Variants in SLC9A4 observed in about 807,000 individuals in gnomAD.
SLC9A4 encodes solute carrier family 9 member A4, also known as sodium/hydrogen exchanger 4.
A neutral mutation model predicts 67.4 loss-of-function variants in SLC9A4; 63 were observed. The observed-to-expected ratio is 0.93, with a 90% CI of 0.76 to 1.15. The LOEUF is 1.15. SLC9A4 is among the 50% of genes most tolerant of loss of function. SLC9A4 has a pLI of 0.00. For synonymous variants in SLC9A4, 393 were observed against 367.2 expected (o/e 1.07, Z -0.80); for missense variants, 1,089 against 987.7 (o/e 1.10, Z -1.38).
intron 11 of SLC9A4, among the ~76,000 whole-genome samples, chr2:102,529,936 T>C (rs745699533): frequency 2.6e-5 from 4 of 152,166 alleles, no homozygotes; most frequent in African/African-American, 7.2e-5. Context: ...AAACCTCTTA[T>C]ATGACCTGAG....
chr2:102,502,241 GT>G (rs1684957298), intron 2 of SLC9A4, among the ~76,000 whole-genome samples: 1 of 152,130 alleles, frequency 6.6e-6, no homozygotes, highest in African/African-American at 2.4e-5. Context: ...CTAGATCATA[GT>G]TCTGGGCTAT....
intron 6 of SLC9A4, among the ~76,000 whole-genome samples, chr2:102,510,020 T>C (rs894917429): frequency 1.6e-4 from 23 of 145,680 alleles, no homozygotes; most frequent in Admixed American, 1.5e-3. Flanking sequence ...TTTTTTTTTT[T>C]ATAAAGGTAG....
chr2:102,510,266 C>CAGATAT lies in SLC9A4; in HGVS notation c.1488+1338_1488+1339insTAGATA, dbSNP rs1199533333. On this transcript the variant is annotated intron_variant, in intron 6 of 11. Coordinates refer to ENST00000295269, the MANE Select transcript of SLC9A4 (RefSeq NM_001011552.4). The stretch of plus-strand genomic sequence containing the variant: ...ACAGATACAGATACAGATACAGATA[C>CAGATAT]AGATACAGATATAGATATAGATATA... Among the ~76,000 whole-genome samples, 222 of 68,590 alleles carry CAGATAT rather than the reference C, an allele frequency of 3.2e-3. 1 individual carries two copies. The highest frequency in any genetic ancestry group is 8.9e-3 in the African/African-American group (182 of 20,560). 45.0% of individuals were successfully genotyped at this position (68,590 alleles called of 152,430 possible). A position where few individuals can be genotyped will look rare whatever the true frequency, so the allele number is the denominator to read the frequency against.
At chr2:102,485,259 A>G (rs897537884) in intron 2 of SLC9A4, among the ~76,000 whole-genome samples, 3 of 152,200 alleles carry the variant, frequency 2.0e-5, no homozygotes, top group Non-Finnish European at 2.9e-5. Flanking sequence ...TTCATTCACT[A>G]GAGTTTATTC....
chr2:102,494,813 ATAT>A (rs570004889), intron 2 of SLC9A4, among the ~76,000 whole-genome samples: 243 of 152,262 alleles, frequency 1.6e-3, no homozygotes, highest in Non-Finnish European at 2.7e-3. Flanking sequence ...TATCCACCTA[ATAT>A]TAGTGCAACA....
intron 2 of SLC9A4, among the ~76,000 whole-genome samples, chr2:102,483,821 T>TAG (rs1255754886): frequency 7.3e-6 from 1 of 137,162 alleles, no homozygotes; most frequent in Non-Finnish European, 1.5e-5. Flanking sequence ...TATATATATA[T>TAG]ATATATATAT....
chr2:102,518,936 G>T (rs1187949134), intron 8 of SLC9A4, among the ~76,000 whole-genome samples: 4 of 152,130 alleles, frequency 2.6e-5, no homozygotes, highest in Non-Finnish European at 5.9e-5. Flanking sequence ...TAAAAAGGGA[G>T]TTAATTATTT....
At chr2:102,492,338 A>T (rs1268854757) in intron 2 of SLC9A4, among the ~76,000 whole-genome samples, 2 of 152,222 alleles carry the variant, frequency 1.3e-5, no homozygotes, top group African/African-American at 4.8e-5. Flanking sequence ...AGTTCTCCAT[A>T]AGGGCCCTGC....
At chr2:102,483,696 A>C (rs989512755) in intron 2 of SLC9A4, among the ~76,000 whole-genome samples, 2 of 151,358 alleles carry the variant, frequency 1.3e-5, no homozygotes, top group East Asian at 3.9e-4. Context: ...CAAAACCCAG[A>C]TAGCTTTAGT....
At chr2:102,507,984 G>A (rs1685082850) in intron 4 of SLC9A4, 95 bp from the exon 5 acceptor site, 2 of 1,177,178 alleles carry the variant, frequency 1.7e-6, no homozygotes, top group Admixed American at 1.8e-5. Flanking sequence ...AGGCTGCATT[G>A]TTTGCAGGGC....
chr2:102,524,970 C>T (rs1229263749), intron 9 of SLC9A4, 54 bp from the exon 10 acceptor site: 1 of 1,604,844 alleles, frequency 6.2e-7, no homozygotes, highest in African/African-American at 1.3e-5. Context: ...GCTTCCTTGG[C>T]TGAAAGTTGT....
intron 2 of SLC9A4, among the ~76,000 whole-genome samples, chr2:102,500,312 C>T (rs892925904): frequency 5.9e-5 from 9 of 152,078 alleles, no homozygotes; most frequent in Admixed American, 3.3e-4. Flanking sequence ...TCCCCTAACG[C>T]CTTCAGGGGG....
intron 1 of SLC9A4, among the ~76,000 whole-genome samples, chr2:102,478,481 T>C (rs189222688): frequency 1.3e-5 from 2 of 152,292 alleles, no homozygotes; most frequent in East Asian, 3.9e-4. Context: ...TTGGTGACTA[T>C]GATAGATTCT....
At chr2:102,516,589 TCTATGACCTTCAGGAGAA>T (rs1685282618) in intron 8 of SLC9A4, among the ~76,000 whole-genome samples, 3 of 152,214 alleles carry the variant, frequency 2.0e-5, no homozygotes, top group Admixed American at 2.0e-4. Context: ...ATTTTCAAAT[TCTATGACCTTCAGGAGAA>T]CACTGCCACT....
intron 2 of SLC9A4, among the ~76,000 whole-genome samples, chr2:102,496,782 A>C (rs1684818816): frequency 6.6e-6 from 1 of 152,256 alleles, no homozygotes; most frequent in African/African-American, 2.4e-5. Context: ...TGCTTTTACA[A>C]AAAGAACAGT....
intron 8 of SLC9A4, among the ~76,000 whole-genome samples, chr2:102,515,822 A>G (rs973110700): frequency 6.6e-6 from 1 of 152,134 alleles, no homozygotes; most frequent in African/African-American, 2.4e-5. Flanking sequence ...ACCTTGAAGC[A>G]GACACAGGCC....
In SLC9A4 at chr2:102,533,140, C is replaced by T. The variant is rs1674813660; in HGVS notation, c.*452C>T. The T allele has an allele frequency of 6.4e-6, 1 of 156,078 alleles. No individual in the cohort carries two copies. The highest frequency in any genetic ancestry group is 2.4e-5 in the African/African-American group (1 of 41,486). The allele number at this position is 156,078 out of a possible 1,614,324, so 9.7% of individuals were successfully genotyped here. ...GACAAGGACATGTAGTCCAAGGTTG[C>T]ATGGTGAGTTCACAGTCGGATTGTC... On this transcript the variant is annotated 3_prime_UTR_variant, in exon 12 of 12. Coordinates refer to ENST00000295269, the MANE Select transcript of SLC9A4 (RefSeq NM_001011552.4).
At chr2:102,498,032 AG>A (rs1684847683) in intron 2 of SLC9A4, among the ~76,000 whole-genome samples, 1 of 152,234 alleles carries the variant, frequency 6.6e-6, no homozygotes, top group Admixed American at 6.5e-5. Flanking sequence ...GGTAACAAAA[AG>A]GACCGTTTGC....
chr2:102,491,065 A>G (rs1337980823), intron 2 of SLC9A4, among the ~76,000 whole-genome samples: 1 of 152,162 alleles, frequency 6.6e-6, no homozygotes, highest in African/African-American at 2.4e-5. Context: ...TTCTTTCTTG[A>G]GAAAAAAACA....
Sources: gnomAD v4.1 joint callset for allele counts (sites outside exome capture counted in the v4.1 genomes callset) on GRCh38, gnomAD v4.1.1 for gene constraint, MANE v1.5 for transcripts, NCBI Gene and HGNC (gene_info 2026-07-23, HGNC 2026-07-21) for gene names.